Variants in SATB2 observed in about 807,000 individuals in gnomAD.
The protein encoded by SATB2 is SATB homeobox 2.
Under a neutral mutation model 73.4 loss-of-function variants are expected in SATB2, and 1 was observed. That is an observed-to-expected ratio of 0.01 (90% CI 0.00 to 0.06). SATB2 has a LOEUF of 0.06. SATB2 is among the 10% of genes least tolerant of loss of function. SATB2 has a pLI of 1.00. For missense variants in SATB2, 459 were observed against 945.8 expected, an observed-to-expected ratio of 0.49 and a Z score of 6.75; for synonymous variants, 397 against 367.0, an observed-to-expected ratio of 1.08 and a Z score of -0.93.
chr2:199,323,694 G>A, intron 9 of SATB2, 109 bp downstream of exon 9: 1 of 1,201,444 alleles, frequency 8.3e-7, no homozygotes, highest in South Asian at 1.3e-5. Context: ...AGGTTTCTTG[G>A]GGGTTATTAC....
At chr2:199,348,495 C>A in intron 7 of SATB2, 1 of 601,418 alleles carries the variant, frequency 1.7e-6, no homozygotes, top group Non-Finnish European at 2.9e-6. Flanking sequence ...ATGTCCATTA[C>A]CTCATCAAAA....
At chr2:199,301,670 G>A (rs1038446630) in intron 10 of SATB2, among the ~76,000 whole-genome samples, 1 of 152,144 alleles carries the variant, frequency 6.6e-6, no homozygotes, top group African/African-American at 2.4e-5. Context: ...GCAAGAGAAA[G>A]TGAGTTTGAC....
chr2:199,304,597 A>C (rs1404877934), intron 10 of SATB2, among the ~76,000 whole-genome samples: 1 of 152,142 alleles, frequency 6.6e-6, no homozygotes, highest in Admixed American at 6.6e-5. Flanking sequence ...AACCACTGTG[A>C]ATCTAAGATA....
In SATB2 at chr2:199,280,683, GGACGA is replaced by G. The variant is rs1692461709; in HGVS notation, c.1741-8016_1741-8012del. 7.2e-5 allele frequency among the ~76,000 whole-genome samples: 11 copies of G among 152,226 alleles called. No individual in the cohort carries two copies. The South Asian group carries it at 2.3e-3, about 32-fold the overall frequency. The stretch of plus-strand genomic sequence containing the variant: ...TCCCGTAGCACTCCCAGGCTTATTA[GGACGA>G]GGAAATTCCCGCCTAATAAATTTTG... On this transcript the variant is annotated intron_variant, in intron 10 of 10. Transcript: ENST00000417098.
chr2:199,312,281 A>T (rs1295318791), intron 9 of SATB2, among the ~76,000 whole-genome samples: 1 of 152,226 alleles, frequency 6.6e-6, no homozygotes, highest in Non-Finnish European at 1.5e-5. Context: ...TCTGGTTTCC[A>T]GCCTTGGACA....
chr2:199,425,712 A>G lies in SATB2; in HGVS notation c.346+7626T>C, dbSNP rs11683471. Among the ~76,000 whole-genome samples, 675 of 152,294 alleles carry G rather than the reference A, an allele frequency of 4.4e-3. 1 individual carries two copies. The highest frequency in any genetic ancestry group is 6.5e-3 in the Non-Finnish European group (440 of 68,026). The stretch of plus-strand genomic sequence containing the variant: ...TTATATATCTATATATGTTAAATAC[A>G]TATTTATGCCAACATAAACAAATAT... On this transcript the variant is annotated intron_variant, in intron 3 of 10. Coordinates refer to ENST00000417098, the MANE Select transcript of SATB2 (RefSeq NM_001172509.2).
chr2:199,465,248 GAA>G (rs1205410703), upstream of SATB2: 3 of 152,340 alleles, frequency 2.0e-5, no homozygotes, highest in African/African-American at 7.2e-5. Context: ...AGCTTTGAGT[GAA>G]GAGTTTTCAA....
rs559558492 is a variant in SATB2, at chr2:199,380,229, T to C, written c.597+135A>G. ...TTCTACAACCAGAAGCAACATAATCTTTTACACCTCAAATGCAGTTTAAGT... is the reference window on the plus strand; with the variant it reads ...TTCTACAACCAGAAGCAACATAATCCTTTACACCTCAAATGCAGTTTAAGT... On this transcript the variant is annotated intron_variant, in intron 5 of 10. Coordinates refer to ENST00000417098, the MANE Select transcript of SATB2 (RefSeq NM_001172509.2). 191 of 1,175,128 alleles carry C rather than the reference T, an allele frequency of 1.6e-4. 2 individuals are homozygous for C. In the South Asian group the frequency reaches 1.8e-3, roughly 11 times the overall value. 72.8% of individuals were successfully genotyped at this position (1,175,128 alleles called of 1,614,324 possible). A position where few individuals can be genotyped will look rare whatever the true frequency, so the allele number is the denominator to read the frequency against.
intron 7 of SATB2, among the ~76,000 whole-genome samples, chr2:199,336,154 A>C (rs925457866): frequency 6.6e-6 from 1 of 152,176 alleles, no homozygotes; most frequent in African/African-American, 2.4e-5. Context: ...AGGAAGTCTT[A>C]GGTACTGGAA....
At chr2:199,299,216 TTATC>T (rs1197562437) in intron 10 of SATB2, among the ~76,000 whole-genome samples, 4 of 152,222 alleles carry the variant, frequency 2.6e-5, no homozygotes, top group Non-Finnish European at 4.4e-5. Flanking sequence ...GACACACTTA[TTATC>T]TATCTGTTTT....
intron 3 of SATB2, among the ~76,000 whole-genome samples, chr2:199,393,395 T>A (rs1052096016): frequency 6.6e-6 from 1 of 151,940 alleles, no homozygotes; most frequent in Admixed American, 6.6e-5. Context: ...ACCCCCAACA[T>A]ATGGAAAAGT....
intron 2 of SATB2, among the ~76,000 whole-genome samples, chr2:199,448,201 A>G (rs552776131): frequency 1.3e-5 from 2 of 152,336 alleles, no homozygotes; most frequent in Middle Eastern, 3.4e-3. Flanking sequence ...GCTATTAAAT[A>G]TATCAATTTT....
chr2:199,469,852 A>G (rs1490107864), upstream of SATB2: 1 of 152,376 alleles, frequency 6.6e-6, no homozygotes, highest in Non-Finnish European at 1.5e-5. Flanking sequence ...CACACCTATT[A>G]CATTTTTCCG....
At chr2:199,459,222 C>T (rs566927331), upstream of SATB2, among the ~76,000 whole-genome samples, 3 of 152,120 alleles carry the variant, frequency 2.0e-5, no homozygotes, top group South Asian at 2.1e-4. The surrounding 1 kb of genome is among the most constrained non-coding windows in gnomAD (Gnocchi z 4.2). Context: ...AGAGCTGTGC[C>T]CTGAGGACCC....
At chr2:199,398,055 G>T (rs1690355095) in intron 3 of SATB2, among the ~76,000 whole-genome samples, 1 of 152,146 alleles carries the variant, frequency 6.6e-6, no homozygotes, top group Non-Finnish European at 1.5e-5. Context: ...GTGGTTTGTG[G>T]GAAGAGGGTA....
rs79968223 is a variant in SATB2, at chr2:199,445,885, T to A, written c.169+9984A>T. 1.0e-3 allele frequency among the ~76,000 whole-genome samples: 156 copies of A among 152,310 alleles called. 4 individuals are homozygous for A. The East Asian group carries it at 0.016, about 16-fold the overall frequency. ...GACAGGCACCTTCACTCTGAATACC[T>A]TCTGGTTTTCGGATGAAGACAATTT... is the stretch of plus-strand genomic sequence containing the variant. On this transcript the variant is annotated intron_variant, in intron 2 of 10. Transcript: ENST00000417098.
chr2:199,286,116 AGCTTTGGTATAGTTT>A (rs1335448285), intron 10 of SATB2, among the ~76,000 whole-genome samples: 1 of 126,970 alleles, frequency 7.9e-6, no homozygotes, highest in Non-Finnish European at 1.7e-5. Flanking sequence ...CTATACCAAC[AGCTTTGGTATAGTTT>A]GGGGAAAAAA....
At chr2:199,304,022 A>G (rs938036282) in intron 10 of SATB2, among the ~76,000 whole-genome samples, 1 of 152,164 alleles carries the variant, frequency 6.6e-6, no homozygotes, top group African/African-American at 2.4e-5. Flanking sequence ...CCCTCACTCA[A>G]TGACCTAGTC....
chr2:199,291,350 A>C (rs1692851919), intron 10 of SATB2, among the ~76,000 whole-genome samples: 1 of 152,212 alleles, frequency 6.6e-6, no homozygotes, highest in Non-Finnish European at 1.5e-5. Flanking sequence ...GACTTTATCA[A>C]AATTTACTTC....
Sources: allele counts gnomAD v4.1 joint callset (sites outside exome capture counted in the v4.1 genomes callset), GRCh38; gene constraint gnomAD v4.1.1; non-coding constraint Gnocchi (gnomAD v3.1); transcripts MANE v1.5; gene names NCBI Gene and HGNC (gene_info 2026-07-23, HGNC 2026-07-21).